KDM4C: variants seen among roughly 807,000 people sequenced by gnomAD.
The protein encoded by KDM4C is lysine demethylase 4C, also known as lysine-specific demethylase 4C.
A neutral mutation model predicts 129.3 loss-of-function variants in KDM4C; 81 were observed. That is an observed-to-expected ratio of 0.63 (90% confidence interval 0.52 to 0.75). The LOEUF (loss-of-function observed/expected upper bound fraction) is 0.75, where lower values mean the gene tolerates loss of function less well. Ranked by LOEUF, KDM4C falls within the 30% of genes least tolerant of loss-of-function variation. KDM4C has a pLI of 0.00. For missense variants in KDM4C, 1,457 were observed against 1,304.0 expected (o/e 1.12, Z -1.81); for synonymous variants, 573 against 456.1 (o/e 1.26, Z -3.26).
intron 18 of KDM4C, among the ~76,000 whole-genome samples, chr9:7,117,332 C>T (rs1358688257): frequency 1.3e-5 from 2 of 152,172 alleles, no homozygotes; most frequent in African/African-American, 4.8e-5. Flanking sequence ...ATATTTGCAT[C>T]TGTTTTAGTG....
intron 17 of KDM4C, among the ~76,000 whole-genome samples, chr9:7,055,533 C>G (rs1830755885): frequency 6.6e-6 from 1 of 152,190 alleles, no homozygotes; most frequent in South Asian, 2.1e-4. Flanking sequence ...TTAGAAGCCT[C>G]TGTACACTTT....
intron 8 of KDM4C, among the ~76,000 whole-genome samples, chr9:6,922,659 A>G (rs529957889): frequency 2.0e-5 from 3 of 152,248 alleles, no homozygotes; most frequent in Non-Finnish European, 4.4e-5. Flanking sequence ...AGGTGGGAGA[A>G]TCACCTGAGC....
rs116231915 is a variant in KDM4C at position 7,022,074 on chromosome 9, T to C, written c.2259+6145T>C. ...TTACTACAGCTCTGTATTATAATTT[T>C]AAGTTAGGCAATATGATTCTTCCAT... On this transcript the variant is annotated intron_variant, in intron 15 of 21. Transcript: ENST00000381309. 8.6e-3 allele frequency among the ~76,000 whole-genome samples: 1,302 copies of C among 152,256 alleles called. 20 individuals are homozygous for C. The highest frequency in any genetic ancestry group is 0.029 in the African/African-American group (1,207 of 41,572).
chr9:6,914,061 A>G (rs1405247618), intron 8 of KDM4C, among the ~76,000 whole-genome samples: 1 of 152,024 alleles, frequency 6.6e-6, no homozygotes, highest in African/African-American at 2.4e-5. Context: ...TACATTTTGT[A>G]TTTTCCCTTT....
intron 12 of KDM4C, among the ~76,000 whole-genome samples, chr9:6,999,119 G>C (rs1021964986): frequency 5.2e-4 from 79 of 152,212 alleles, no homozygotes; most frequent in African/African-American, 1.9e-3. Flanking sequence ...AGAAATCAAA[G>C]AGTTAGAATT....
intron 19 of KDM4C, among the ~76,000 whole-genome samples, chr9:7,162,801 G>T (rs767128501): frequency 1.3e-5 from 2 of 152,112 alleles, no homozygotes; most frequent in African/African-American, 2.4e-5. Context: ...GTAAGAAAGT[G>T]CAGGGTACAG....
At chr9:6,801,618 G>GCTCTCT (rs147393202) in intron 2 of KDM4C, among the ~76,000 whole-genome samples, 4 of 145,512 alleles carry the variant, frequency 2.7e-5, no homozygotes, top group Non-Finnish European at 6.1e-5. Flanking sequence ...GTGCAGATAT[G>GCTCTCT]CTCTCTCTCT....
chr9:6,816,094 C>A (rs12684193), intron 4 of KDM4C, among the ~76,000 whole-genome samples: 24,580 of 152,034 alleles, frequency 0.16, 2,290 homozygotes, highest in East Asian at 0.4. Context: ...CAAGGATTCC[C>A]CTTTGTAACT....
At chr9:6,861,852 A>C (rs1310754836) in intron 5 of KDM4C, among the ~76,000 whole-genome samples, 5 of 149,588 alleles carry the variant, frequency 3.3e-5, no homozygotes, top group African/African-American at 1.2e-4. Flanking sequence ...CTCGGCTGTA[A>C]CTGCTGCCTC....
Position 7,159,383 on chromosome 9 carries a change from G to C in KDM4C, c.2782-5855G>C, listed in dbSNP as rs534798857. 7.7e-4 allele frequency among the ~76,000 whole-genome samples: 118 copies of C among 152,276 alleles called. 2 individuals are homozygous for C. Among genetic ancestry groups the C allele is most frequent in the African/African-American group, 2.8e-3 (117 of 41,556 alleles). ...ATTTGATCCTGTCATTATGTTGTTA[G>C]CTGGTTATTTTGCCTGTTAGTTGAT... On this transcript the variant is annotated intron_variant, in intron 19 of 21. Transcript: ENST00000381309.
At chr9:6,794,351 G>A (rs1399609044) in intron 2 of KDM4C, among the ~76,000 whole-genome samples, 5 of 152,212 alleles carry the variant, frequency 3.3e-5, no homozygotes, top group East Asian at 1.9e-4. Context: ...CAAGTCCAGC[G>A]GCCTGGAGGC....
At chr9:6,803,764 A>G (rs563443538) in intron 2 of KDM4C, among the ~76,000 whole-genome samples, 1 of 152,094 alleles carries the variant, frequency 6.6e-6, no homozygotes, top group African/African-American at 2.4e-5. Flanking sequence ...AAAAAAAAAA[A>G]AAAGAAAAGT....
At chr9:6,959,197 A>G (rs1282862309) in intron 8 of KDM4C, among the ~76,000 whole-genome samples, 1 of 152,162 alleles carries the variant, frequency 6.6e-6, no homozygotes, top group Non-Finnish European at 1.5e-5. Flanking sequence ...AGCACTAGAG[A>G]GCCCAGTTTT....
chr9:6,836,078 T>G (rs762879455), intron 4 of KDM4C, among the ~76,000 whole-genome samples: 2 of 152,106 alleles, frequency 1.3e-5, no homozygotes, highest in African/African-American at 2.4e-5. Context: ...TATGAAGGCT[T>G]TTGGTCTCCC....
intron 1 of KDM4C, chr9:6,734,852 A>C (rs1456352006): frequency 1.9e-6 from 1 of 521,824 alleles, no homozygotes; most frequent in Non-Finnish European, 3.8e-6. Flanking sequence ...GTTCTTACAC[A>C]AATGTTTTGT....
At chr9:6,852,529 C>T (rs770453507) in intron 5 of KDM4C, among the ~76,000 whole-genome samples, 1 of 152,186 alleles carries the variant, frequency 6.6e-6, no homozygotes, top group Non-Finnish European at 1.5e-5. Flanking sequence ...CTGCAAGGTT[C>T]TGTATGCACA....
intron 1 of KDM4C, among the ~76,000 whole-genome samples, chr9:6,732,952 G>A (rs1817402513): frequency 6.6e-6 from 1 of 152,158 alleles, no homozygotes; most frequent in Admixed American, 6.5e-5. Flanking sequence ...GGTGGAGGTT[G>A]CAGTCAGCCG....
intron 8 of KDM4C, among the ~76,000 whole-genome samples, chr9:6,930,361 C>T (rs1823442706): frequency 6.6e-6 from 1 of 151,900 alleles, no homozygotes; most frequent in Admixed American, 6.6e-5. Flanking sequence ...TATAGAACTC[C>T]ACTTATTTTG....
rs147947577 is a variant in KDM4C, at chr9:6,821,689, A to C, written c.435+6944A>C. On this transcript the variant is annotated intron_variant, in intron 4 of 21. Coordinates refer to ENST00000381309, the MANE Select transcript of KDM4C (RefSeq NM_015061.6). ...TGAGATGGAGTATGCTCTGTCATAC[A>C]GGGTGGAGTGCAGTGGCGCGGTCTC... is the stretch of plus-strand genomic sequence containing the variant. Among the ~76,000 whole-genome samples the C allele has an allele frequency of 2.0e-3, 298 of 151,664 alleles. 1 individual carries two copies. Among genetic ancestry groups the C allele is most frequent in the African/African-American group, 7.0e-3 (289 of 41,330 alleles).
Sources: allele counts gnomAD v4.1 joint callset (sites outside exome capture counted in the v4.1 genomes callset), GRCh38; gene constraint gnomAD v4.1.1; transcripts MANE v1.5; gene names NCBI Gene and HGNC (gene_info 2026-07-23, HGNC 2026-07-21).